The following GOLGA4 variants were observed in gnomAD, a reference collection of about 807,000 sequenced individuals.
GOLGA4 encodes the protein golgin subfamily A member 4.
GOLGA4 carries 169 observed loss-of-function variants against 265.9 expected under a neutral mutation model. That is an observed-to-expected ratio of 0.64 (90% confidence interval 0.56 to 0.72). The LOEUF (loss-of-function observed/expected upper bound fraction) is 0.72. Ranked by LOEUF, GOLGA4 falls within the 30% of genes least tolerant of loss-of-function variation. GOLGA4 has a pLI of 0.00. For missense variants in GOLGA4, 2,482 were observed against 2,483.4 expected (o/e 1.00, Z 0.01); for synonymous variants, 923 against 855.8 (o/e 1.08, Z -1.37).
chr3:37,255,414 C>T (rs1405589983), intron 2 of GOLGA4, among the ~76,000 whole-genome samples: 5 of 152,254 alleles, frequency 3.3e-5, no homozygotes, highest in East Asian at 3.9e-4. Flanking sequence ...CCATCCGCCT[C>T]GGCCTCCCAA....
chr3:37,346,114 G>T (rs1242214209), intron 20 of GOLGA4, among the ~76,000 whole-genome samples: 1 of 152,078 alleles, frequency 6.6e-6, no homozygotes, highest in Non-Finnish European at 1.5e-5. Flanking sequence ...TAGTTCTTAA[G>T]AACTCTATAC....
rs2096967450 is a variant in GOLGA4 at position 37,325,485 on chromosome 3, A to T, written c.3599A>T (p.Glu1200Val). The change falls in exon 14 of 24, where the codon GAG becomes GTG. Residue 1200 changes from glutamate (E) to valine (V), a missense_variant. Coordinates refer to ENST00000361924, the MANE Select transcript of GOLGA4 (RefSeq NM_002078.5). ...SSHEKSNKSL[E>V]DKSLEFKKLS... Reference sequence around the variant, plus strand: ...CATGAAAAAAGTAACAAAAGCCTAGAGGACAAGAGCTTGGAATTTAAAAAA... The same window carrying T: ...CATGAAAAAAGTAACAAAAGCCTAGTGGACAAGAGCTTGGAATTTAAAAAA... The T allele has an allele frequency of 6.2e-7, 1 of 1,613,078 alleles. No individual in the cohort carries two copies. The highest frequency in any genetic ancestry group is 1.3e-5 in the African/African-American group (1 of 74,864).
In GOLGA4 at chr3:37,251,474, CCAATA is replaced by C. The variant is rs992134712; in HGVS notation, c.153_157del (p.Asn52ArgfsTer4). On this transcript the variant is annotated frameshift_variant, in exon 2 of 24. Coordinates refer to ENST00000361924, the MANE Select transcript of GOLGA4 (RefSeq NM_002078.5). LOFTEE classifies it high-confidence loss of function. Reference sequence around the variant, plus strand: ...ACAGAGCAACTTGATGAAGGTACACCCAATAGAGAGGTAAGTTTGGAATTCCTTTT... The same window carrying C: ...ACAGAGCAACTTGATGAAGGTACACCGAGAGGTAAGTTTGGAATTCCTTTT... 6.3e-7 allele frequency: 1 copy of C among 1,593,046 alleles called. No homozygotes were observed. The highest frequency in any genetic ancestry group is 8.6e-7 in the Non-Finnish European group (1 of 1,161,052).
intron 1 of GOLGA4, chr3:37,243,863 T>A: frequency 1.8e-6 from 1 of 547,194 alleles, no homozygotes; most frequent in African/African-American, 1.9e-5. Context: ...GCTGGATCCC[T>A]CGTGACATTC....
chr3:37,247,131 A>G (rs1241018807), intron 1 of GOLGA4, among the ~76,000 whole-genome samples: 1 of 152,204 alleles, frequency 6.6e-6, no homozygotes. Flanking sequence ...GGTACCTAAA[A>G]TATAAAGGTT....
intron 9 of GOLGA4, 141 bp from the exon 10 acceptor site, chr3:37,302,044 C>T (rs951079374): frequency 2.9e-6 from 2 of 681,822 alleles, no homozygotes; most frequent in East Asian, 2.9e-5. Flanking sequence ...CCTCCTTGGC[C>T]TCCCAAAGTG....
Position 37,325,927 on chromosome 3 carries a change from G to A in GOLGA4, c.4041G>A (p.Glu1347=). The A allele has an allele frequency of 6.2e-7, 1 of 1,613,088 alleles. No individual in the cohort carries two copies. The highest frequency in any genetic ancestry group is 8.5e-7 in the Non-Finnish European group (1 of 1,179,332). ...CTTGTATAACACAGTTGAAGAAAGAGTTATCTGAAAACATCAATGCTGTCA... is the reference window on the plus strand; with the variant it reads ...CTTGTATAACACAGTTGAAGAAAGAATTATCTGAAAACATCAATGCTGTCA... ...KESCITQLKK[E]LSENINAVTL... The change falls in exon 14 of 24, where the codon GAG becomes GAA. Residue 1347 remains glutamate (E), a synonymous_variant. Coordinates refer to ENST00000361924, the MANE Select transcript of GOLGA4 (RefSeq NM_002078.5).
At chr3:37,342,018 CA>C (rs1186679000) in intron 20 of GOLGA4, among the ~76,000 whole-genome samples, 4 of 152,050 alleles carry the variant, frequency 2.6e-5, no homozygotes, top group African/African-American at 9.7e-5. Context: ...GCAGTATGTA[CA>C]TTAATCTCTT....
At chr3:37,360,849 T>C (rs972083451) in intron 22 of GOLGA4, among the ~76,000 whole-genome samples, 1 of 152,144 alleles carries the variant, frequency 6.6e-6, no homozygotes, top group Non-Finnish European at 1.5e-5. Flanking sequence ...TCCCGAAAAC[T>C]TTTTAGGGTA....
Position 37,324,121 on chromosome 3 carries a change from A to G in GOLGA4, c.2235A>G (p.Val745=), listed in dbSNP as rs753571542. 65 of 1,613,990 alleles carry G rather than the reference A, an allele frequency of 4.0e-5. No individual in the cohort carries two copies. The highest frequency in any genetic ancestry group is 2.0e-4 in the Admixed American group (12 of 60,012). The change falls in exon 14 of 24, where the codon GTA becomes GTG. Residue 745 remains valine, a synonymous_variant. Coordinates refer to ENST00000361924, the MANE Select transcript of GOLGA4 (RefSeq NM_002078.5). ...ACAGTATCATTAAAGAACACGAGGT[A>G]TCTATCCAGAGGACTGAGAAGGCAT... ...QVDSIIKEHE[V]SIQRTEKALK...
chr3:37,314,963 A>T (rs1268885421), intron 10 of GOLGA4, among the ~76,000 whole-genome samples: 1 of 152,220 alleles, frequency 6.6e-6, no homozygotes, highest in Non-Finnish European at 1.5e-5. Flanking sequence ...AAATATGCCT[A>T]AGAATAGTTT....
At chr3:37,364,490 C>T (rs1293948463) in intron 23 of GOLGA4, among the ~76,000 whole-genome samples, 1 of 152,160 alleles carries the variant, frequency 6.6e-6, no homozygotes, top group African/African-American at 2.4e-5. Context: ...GATCCACCTG[C>T]CTTGGCCTCC....
At position 37,245,112 on chromosome 3, in the gene GOLGA4, G is replaced by A. The variant is rs182773208; in HGVS notation, c.72+1490G>A. On this transcript the variant is annotated intron_variant, in intron 1 of 23. Transcript: ENST00000361924. The stretch of plus-strand genomic sequence containing the variant: ...AATAGGTTAAAAACTAGCCAAAAAT[G>A]TCCAACAATAGAGAATTGGTTAAAT... 1.1e-3 allele frequency among the ~76,000 whole-genome samples: 169 copies of A among 152,312 alleles called. 1 individual carries two copies. The highest frequency in any genetic ancestry group is 3.9e-3 in the African/African-American group (164 of 41,586).
At chr3:37,328,724 G>A (rs1212222883) in intron 15 of GOLGA4, among the ~76,000 whole-genome samples, 187 bp downstream of exon 15, 1 of 152,136 alleles carries the variant, frequency 6.6e-6, no homozygotes, top group Non-Finnish European at 1.5e-5. Context: ...GAGAGAGGGA[G>A]CAGGTAAAAC....
chr3:37,260,959 G>A (rs2096768175), intron 2 of GOLGA4, among the ~76,000 whole-genome samples: 1 of 151,446 alleles, frequency 6.6e-6, no homozygotes, highest in Admixed American at 6.6e-5. Flanking sequence ...TTGAACCCAG[G>A]AGTTGGAGAC....
intron 2 of GOLGA4, among the ~76,000 whole-genome samples, chr3:37,256,451 TA>T: frequency 6.7e-6 from 1 of 148,552 alleles, no homozygotes; most frequent in Non-Finnish European, 1.5e-5. Context: ...GCCTGGGCAA[TA>T]AAAGCAAAAC....
At chr3:37,343,200 C>T (rs1156755325) in intron 20 of GOLGA4, among the ~76,000 whole-genome samples, 1 of 152,246 alleles carries the variant, frequency 6.6e-6, no homozygotes, top group Admixed American at 6.5e-5. Context: ...CAGCTCACCG[C>T]AACCTCCACC....
intron 1 of GOLGA4, chr3:37,250,046 G>C (rs2096729715): frequency 6.6e-6 from 1 of 152,242 alleles, no homozygotes; most frequent in Non-Finnish European, 1.5e-5. Context: ...CCCTGTCTCA[G>C]ATAAAAAGAA....
chr3:37,336,825 A>G (rs1219079982), intron 17 of GOLGA4, among the ~76,000 whole-genome samples: 1 of 152,088 alleles, frequency 6.6e-6, no homozygotes, highest in Non-Finnish European at 1.5e-5. Context: ...AGAGAGAGAA[A>G]GAAAACTTAA....
Sources: allele counts gnomAD v4.1 joint callset (sites outside exome capture counted in the v4.1 genomes callset), GRCh38; gene constraint gnomAD v4.1.1; transcripts MANE v1.5; gene names NCBI Gene and HGNC (gene_info 2026-07-23, HGNC 2026-07-21).